The following PLEKHO2 variants were observed in gnomAD, a reference collection of about 807,000 sequenced individuals.
The protein encoded by PLEKHO2 is pleckstrin homology domain-containing family O member 2.
PLEKHO2 carries 20 observed loss-of-function variants against 32.7 expected under a neutral mutation model. The observed-to-expected ratio is 0.61, with a 90% CI of 0.43 to 0.89. The LOEUF (loss-of-function observed/expected upper bound fraction) is 0.89. Ranked by LOEUF, PLEKHO2 falls within the 40% of genes least tolerant of loss-of-function variation. PLEKHO2 has a pLI of 0.00. For synonymous variants in PLEKHO2, 247 were observed against 246.3 expected (o/e 1.00, Z -0.03); for missense variants, 568 against 621.2 (o/e 0.91, Z 0.91).
chr15:64,865,784 G>C lies in PLEKHO2; in HGVS notation c.1369G>C (p.Val457Leu). The change falls in exon 6 of 6, where the codon GTC (valine) becomes CTC (leucine). Residue 457 changes from valine to leucine, a missense_variant. Coordinates refer to ENST00000323544, the MANE Select transcript of PLEKHO2 (RefSeq NM_025201.5). ...GGAGCAGCTGAGGCAGGCCACCCAGGTCCTGCAGGAAATGAGAGATTTGGG... is the reference window on the plus strand; with the variant it reads ...GGAGCAGCTGAGGCAGGCCACCCAGCTCCTGCAGGAAATGAGAGATTTGGG... ...AVEQLRQATQ[V>L]LQEMRDLGEL... 1 of 1,614,130 alleles carries C rather than the reference G, an allele frequency of 6.2e-7. No individual in the cohort carries two copies. Among genetic ancestry groups the C allele is most frequent in the Non-Finnish European group, 8.5e-7 (1 of 1,180,028 alleles).
intron 3 of PLEKHO2, among the ~76,000 whole-genome samples, chr15:64,855,428 A>C (rs2084600325): frequency 6.6e-6 from 1 of 152,158 alleles, no homozygotes; most frequent in African/African-American, 2.4e-5. Context: ...GCCAGGCCTC[A>C]ACACCGTGAT....
intron 1 of PLEKHO2, among the ~76,000 whole-genome samples, chr15:64,843,729 C>A (rs1216866974): frequency 6.6e-6 from 1 of 152,032 alleles, no homozygotes; most frequent in Admixed American, 6.6e-5. Context: ...TACAGGCATG[C>A]ACCACCACGC....
At chr15:64,855,791 G>T (rs757448419) in intron 3 of PLEKHO2, among the ~76,000 whole-genome samples, 15 of 152,300 alleles carry the variant, frequency 9.8e-5, no homozygotes, top group South Asian at 6.2e-4. Flanking sequence ...GCCATTCCTT[G>T]CCTTGTCCTC....
In PLEKHO2 at chr15:64,854,967, A is replaced by T. The variant is rs1170130234; in HGVS notation, c.209A>T (p.Lys70Met). 1 of 1,611,898 alleles carries T rather than the reference A, an allele frequency of 6.2e-7. No homozygotes were observed. The highest frequency in any genetic ancestry group is 8.5e-7 in the Non-Finnish European group (1 of 1,179,176). ...VETVELGSYE[K>M]CQDLRALLKR... The stretch of plus-strand genomic sequence containing the variant: ...ACTGTGGAGCTGGGCAGCTATGAGA[A>T]GTGCCAGGACCTTCGTGCCCTCCTC... Residue 70 changes from lysine to methionine, a missense_variant, in exon 3 of 6, where the codon AAG (lysine) becomes ATG (methionine). Transcript: ENST00000323544.
chr15:64,863,521 G>GTGTGTGTGTGTGTT (rs1222033352), intron 5 of PLEKHO2, among the ~76,000 whole-genome samples: 1,399 of 31,680 alleles, frequency 0.044, 21 homozygotes, highest in African/African-American at 0.095. Context: ...GTGTGTGTTT[G>GTGTGTGTGTGTGTT]TGTGTGTGTG....
At chr15:64,845,314 G>T (rs942501436) in intron 1 of PLEKHO2, among the ~76,000 whole-genome samples, 2 of 151,748 alleles carry the variant, frequency 1.3e-5, no homozygotes, top group Non-Finnish European at 2.9e-5. Flanking sequence ...GGGCCTGGGT[G>T]AGGAGGGATG....
intron 5 of PLEKHO2, among the ~76,000 whole-genome samples, chr15:64,863,388 A>C (rs372075208): frequency 7.2e-5 from 11 of 151,974 alleles, no homozygotes; most frequent in African/African-American, 2.7e-4. Context: ...GATCCTGCAG[A>C]GGGAGCACTG....
chr15:64,851,791 C>CTT (rs2084571734), intron 2 of PLEKHO2, among the ~76,000 whole-genome samples: 9 of 152,076 alleles, frequency 5.9e-5, no homozygotes, highest in Admixed American at 5.9e-4. Context: ...GGTGGATGGA[C>CTT]TTTTTGTTCC....
At chr15:64,864,793 G>A (rs887706486) in intron 5 of PLEKHO2, 106 bp from the exon 6 acceptor site, 25 of 1,256,972 alleles carry the variant, frequency 2.0e-5, no homozygotes, top group Non-Finnish European at 2.6e-5. Context: ...GGAGCTGGGG[G>A]CCTGGACAAC....
rs765151279 is a variant in PLEKHO2 at position 64,865,126 on chromosome 15, C to A, written c.711C>A (p.Ser237Arg). 1 of 1,614,136 alleles carries A rather than the reference C, an allele frequency of 6.2e-7. No individual in the cohort carries two copies. The highest frequency in any genetic ancestry group is 1.1e-5 in the South Asian group (1 of 91,088). Residue 237 changes from serine to arginine, a missense_variant, in exon 6 of 6, where the codon AGC (serine) becomes AGA (arginine). Transcript: ENST00000323544. Reference sequence around the variant, plus strand: ...GAGCCCCAACCCCTGTCTCAGCAAGCTCTGAGGTCTCCCCTGAGAGCCAAG... The same window carrying A: ...GAGCCCCAACCCCTGTCTCAGCAAGATCTGAGGTCTCCCCTGAGAGCCAAG... The part of the protein sequence containing the change: ...GERAPTPVSA[S>R]SEVSPESQED...
At chr15:64,857,043 A>T (rs2084610707) in intron 3 of PLEKHO2, among the ~76,000 whole-genome samples, 1 of 152,200 alleles carries the variant, frequency 6.6e-6, no homozygotes, top group Non-Finnish European at 1.5e-5. Flanking sequence ...GGTCACAGGC[A>T]GACGCTGCCA....
chr15:64,860,454 C>T (rs2084633827), intron 4 of PLEKHO2, among the ~76,000 whole-genome samples: 2 of 152,336 alleles, frequency 1.3e-5, no homozygotes, highest in South Asian at 4.1e-4. Flanking sequence ...CAGACCTCAG[C>T]CCCCTGTGCT....
chr15:64,853,584 G>A (rs1024068512), intron 2 of PLEKHO2, among the ~76,000 whole-genome samples: 2 of 152,070 alleles, frequency 1.3e-5, no homozygotes, highest in Non-Finnish European at 2.9e-5. Flanking sequence ...GTGAGCCACC[G>A]CACCCAGCCG....
chr15:64,854,123 AG>A (rs2084590123), intron 2 of PLEKHO2, among the ~76,000 whole-genome samples: 1 of 152,200 alleles, frequency 6.6e-6, no homozygotes, highest in Non-Finnish European at 1.5e-5. Context: ...AGCTTTTCCC[AG>A]GCAGCTTGCT....
Position 64,861,484 on chromosome 15 carries a change from T to C in PLEKHO2, c.392T>C (p.Val131Ala), listed in dbSNP as rs762387117. 1 of 1,597,380 alleles carries C rather than the reference T, an allele frequency of 6.3e-7. No homozygotes were observed. Among genetic ancestry groups the C allele is most frequent in the South Asian group, 1.1e-5 (1 of 88,182 alleles). ...GKNKAFDEVK[V>A]DKSCALEHVT... ...GGTTCCCCCTCCCTCCAGGTAAAGGTGGACAAGAGCTGCGCCCTGGAGCAT... is the reference window on the plus strand; with the variant it reads ...GGTTCCCCCTCCCTCCAGGTAAAGGCGGACAAGAGCTGCGCCCTGGAGCAT... The change falls in exon 5 of 6, where the codon GTG becomes GCG. Residue 131 changes from valine to alanine, a missense_variant. By Grantham distance (64) the Val-to-Ala change is moderately conservative. Transcript: ENST00000323544.
At chr15:64,864,030 A>C (rs1279601430) in intron 5 of PLEKHO2, among the ~76,000 whole-genome samples, 1 of 152,176 alleles carries the variant, frequency 6.6e-6, no homozygotes, top group African/African-American at 2.4e-5. Context: ...GGCGTGAGCC[A>C]CTGCACCCAG....
At chr15:64,851,589 A>G (rs1006122512) in intron 2 of PLEKHO2, among the ~76,000 whole-genome samples, 5 of 152,206 alleles carry the variant, frequency 3.3e-5, no homozygotes, top group African/African-American at 7.2e-5. Flanking sequence ...GTAAGGAACT[A>G]GGCGAATGCG....
rs746540415 is a variant in PLEKHO2, at chr15:64,854,939, G to A, written c.181G>A (p.Glu61Lys). 1.1e-5 allele frequency: 18 copies of A among 1,612,978 alleles called. No individual in the cohort carries two copies. Among genetic ancestry groups the A allele is most frequent in the Non-Finnish European group, 1.5e-5 (18 of 1,179,628 alleles). ...YENEDDQKCV[E>K]TVELGSYEKC... ...TCCCCAGGATGATCAGAAGTGTGTGGAGACTGTGGAGCTGGGCAGCTATGA... is the reference window on the plus strand; with the variant it reads ...TCCCCAGGATGATCAGAAGTGTGTGAAGACTGTGGAGCTGGGCAGCTATGA... Residue 61 changes from glutamate (E) to lysine (K), a missense_variant, in exon 3 of 6, where the codon GAG becomes AAG. Transcript: ENST00000323544.
chr15:64,846,329 C>CGGA (rs1323867730), intron 1 of PLEKHO2, among the ~76,000 whole-genome samples: 1 of 146,652 alleles, frequency 6.8e-6, no homozygotes, highest in East Asian at 2.0e-4. Context: ...TTTTTTTTTT[C>CGGA]GGAGACAGGG....
Sources: allele counts gnomAD v4.1 joint callset (sites outside exome capture counted in the v4.1 genomes callset), GRCh38; gene constraint gnomAD v4.1.1; transcripts MANE v1.5; gene names NCBI Gene and HGNC (gene_info 2026-07-23, HGNC 2026-07-21).